The following LIPJ variants were observed in gnomAD, a reference collection of about 807,000 sequenced individuals.
LIPJ encodes lipase member J.
In LIPJ, 33 loss-of-function variants were observed where a neutral mutation model predicts 39.8. The observed-to-expected ratio is 0.83, with a 90% CI of 0.63 to 1.11. The LOEUF is 1.11. LIPJ is among the 50% of genes least tolerant of loss of function. The probability of loss-of-function intolerance (pLI) is 0.00; values close to 1 mark genes in which losing one functional copy is unlikely to be tolerated. For synonymous variants in LIPJ, 128 were observed against 139.2 expected (o/e 0.92, Z 0.57); for missense variants, 422 against 427.9 (o/e 0.99, Z 0.12).
the LIPJ span, among the ~76,000 whole-genome samples, chr10:88,613,800 A>ATATATATATGTGTG: frequency 0.062 from 4,570 of 73,134 alleles, 186 homozygotes; most frequent in East Asian, 0.092. Context: ...ATATATATAT[A>ATATATATATGTGTG]TGTGTGTGTG....
At chr10:88,583,438 T>C, upstream of LIPJ, 4 of 1,343,232 alleles carry the variant, frequency 3.0e-6, no homozygotes, top group South Asian at 1.7e-5. Context: ...GTCTTCTCGC[T>C]TTGGGGGCCG....
chr10:88,583,229 C>T, upstream of LIPJ: 1 of 1,608,480 alleles, frequency 6.2e-7, no homozygotes, highest in South Asian at 1.1e-5. Flanking sequence ...GTCTCTGCGG[C>T]GGGGCCGTTC....
exon 11 of LIPJ, chr10:88,606,905 T>C (rs997525129): frequency 2.0e-6 from 3 of 1,526,750 alleles, no homozygotes; most frequent in African/African-American, 1.4e-5. Context: ...AGACAATCTA[T>C]AAAGAACCAT....
chr10:88,614,246 A>G, the LIPJ span, among the ~76,000 whole-genome samples: 1 of 152,102 alleles, frequency 6.6e-6, no homozygotes, highest in East Asian at 1.9e-4. Flanking sequence ...TATTTACAAA[A>G]GAAAATATAT....
Position 88,589,607 on chromosome 10 carries a change from T to G in LIPJ, c.-103-978T>G, listed in dbSNP as rs557321789. Among the ~76,000 whole-genome samples the G allele has an allele frequency of 2.0e-5, 3 of 151,940 alleles. No individual in the cohort carries two copies. The South Asian group carries it at 6.2e-4, about 31-fold the overall frequency. ...CTTTAAAACTTTCAGATTTACATAATTTTTTTCAAGCGGTCAGTGCACAGG... is the reference window on the plus strand; with the variant it reads ...CTTTAAAACTTTCAGATTTACATAAGTTTTTTCAAGCGGTCAGTGCACAGG... On this transcript the variant is annotated intron_variant, in intron 2 of 10. Coordinates refer to ENST00000371939, the Ensembl canonical transcript of LIPJ.
At chr10:88,609,724 C>T (rs1387498885), downstream of LIPJ, among the ~76,000 whole-genome samples, 3 of 151,934 alleles carry the variant, frequency 2.0e-5, no homozygotes, top group Non-Finnish European at 4.4e-5. Flanking sequence ...CATGGTGAAA[C>T]CCTGTCTGTA....
chr10:88,583,001 G>T, upstream of LIPJ: 1 of 1,527,722 alleles, frequency 6.5e-7, no homozygotes, highest in Admixed American at 1.9e-5. Flanking sequence ...TTTCTTGGGT[G>T]CAGGCCCACA....
upstream of LIPJ, chr10:88,583,090 T>C (rs768335094): frequency 5.6e-6 from 9 of 1,613,780 alleles, no homozygotes; most frequent in South Asian, 3.3e-5. Context: ...CTCAGCCTTG[T>C]CCCACACAGC....
At chr10:88,602,355 C>T (rs1021159871) in intron 8 of LIPJ, among the ~76,000 whole-genome samples, 15 of 151,130 alleles carry the variant, frequency 9.9e-5, no homozygotes, top group South Asian at 2.1e-4. Flanking sequence ...GAGTGGCAGA[C>T]GAAATAACTT....
At chr10:88,596,731 C>T in intron 7 of LIPJ, 59 bp from the exon 8 acceptor site, 1 of 1,368,906 alleles carries the variant, frequency 7.3e-7, no homozygotes, top group South Asian at 1.3e-5. Context: ...ATTACCACAA[C>T]ATTTCTTTAG....
Position 88,594,809 on chromosome 10 carries a change from T to TA in LIPJ, c.439+35dup, listed in dbSNP as rs753262648. ...AAGAAAGATTATTGCTAATATCCCT[T>TA]AATTTCTTTTTTAAGGTTGTGCATA... On this transcript the variant is annotated intron_variant, in intron 6 of 10. Transcript: ENST00000371939. The TA allele has an allele frequency of 6.6e-6, 7 of 1,067,678 alleles. No homozygotes were observed. In the African/African-American group the frequency reaches 1.1e-4, roughly 17 times the overall value. 66.1% of individuals were successfully genotyped at this position (1,067,678 alleles called of 1,614,324 possible).
chr10:88,600,824 G>C (rs1379888238), intron 8 of LIPJ, among the ~76,000 whole-genome samples: 1 of 152,244 alleles, frequency 6.6e-6, no homozygotes, highest in Non-Finnish European at 1.5e-5. Flanking sequence ...GGAAGTCCAA[G>C]ATCAAGGCAC....
chr10:88,585,965 C>T (rs537334164), upstream of LIPJ, among the ~76,000 whole-genome samples: 32 of 152,280 alleles, frequency 2.1e-4, no homozygotes, highest in African/African-American at 7.2e-4. Flanking sequence ...TCTGTGCTTT[C>T]GCTAAACTGA....
exon 3 of LIPJ, chr10:88,590,665 G>T (rs746165736): frequency 1.9e-6 from 3 of 1,578,402 alleles, no homozygotes; most frequent in Admixed American, 1.7e-5. Context: ...CAAAATTAAA[G>T]ATCTGTGAAA....
upstream of LIPJ, chr10:88,584,116 T>C (rs1040761848): frequency 1.3e-5 from 2 of 151,750 alleles, no homozygotes; most frequent in Non-Finnish European, 2.9e-5. Flanking sequence ...AATAAGAAAA[T>C]TGACAATGGT....
chr10:88,608,364 A>G (rs1851711127), downstream of LIPJ, among the ~76,000 whole-genome samples: 1 of 152,244 alleles, frequency 6.6e-6, no homozygotes, highest in Admixed American at 6.5e-5. Context: ...GCCAGGAAAT[A>G]TATGGGAAAT....
chr10:88,589,374 T>TA (rs1404002999), intron 2 of LIPJ, among the ~76,000 whole-genome samples: 1 of 151,908 alleles, frequency 6.6e-6, no homozygotes, highest in Non-Finnish European at 1.5e-5. Context: ...CCAAATGTTA[T>TA]AAAGTTTTTC....
intron 9 of LIPJ, among the ~76,000 whole-genome samples, chr10:88,603,362 A>G (rs758227601): frequency 1.8e-4 from 28 of 152,022 alleles, no homozygotes; most frequent in Non-Finnish European, 3.4e-4. Flanking sequence ...TAAATTGTCA[A>G]CTCCTGAGAA....
the LIPJ span, among the ~76,000 whole-genome samples, chr10:88,619,453 C>CCACACACACACACACACACACACACACA: frequency 8.1e-3 from 1,189 of 147,010 alleles, 16 homozygotes; most frequent in East Asian, 0.019. Flanking sequence ...CCCCCTCTTG[C>CCACACACACACACACACACACACACACA]CACACACACA....
Sources: gnomAD v4.1 joint callset for allele counts (sites outside exome capture counted in the v4.1 genomes callset) on GRCh38, gnomAD v4.1.1 for gene constraint, MANE v1.5 for transcripts, NCBI Gene and HGNC (gene_info 2026-07-23, HGNC 2026-07-21) for gene names.